The following ACACB variants were observed in gnomAD, a reference collection of about 807,000 sequenced individuals.
ACACB encodes acetyl-CoA carboxylase beta, also known as acetyl-CoA carboxylase 2.
ACACB carries 209 observed loss-of-function variants against 278.8 expected under a neutral mutation model. The ratio of observed to expected loss-of-function variants is 0.75; its 90% confidence interval spans 0.67 to 0.84. ACACB has a LOEUF of 0.84. Among genes scored for constraint, ACACB ranks in the 40% least tolerant of loss-of-function variants. ACACB has a pLI of 0.00. For synonymous variants in ACACB, 1,174 were observed against 1,285.6 expected, an observed-to-expected ratio of 0.91 and a Z score of 1.86; for missense variants, 2,850 against 3,269.0, an observed-to-expected ratio of 0.87 and a Z score of 3.13.
intron 45 of ACACB, 51 bp from the exon 46 acceptor site, chr12:109,258,217 A>G (rs1180982358): frequency 5.5e-6 from 8 of 1,455,652 alleles, no homozygotes; most frequent in African/African-American, 1.4e-5. Flanking sequence ...AGGTCCCCAA[A>G]TGCACCTGGG....
In ACACB at chr12:109,232,807, G is replaced by A. The variant is rs1433654771; in HGVS notation, c.4139+1G>A. ...TCAGGAGATTCGAGGACTTCACCAGGTACCCAGCATGGCCCGGTCTCCAAC... is the reference window on the plus strand; with the variant it reads ...TCAGGAGATTCGAGGACTTCACCAGATACCCAGCATGGCCCGGTCTCCAAC... On this transcript the variant is annotated splice_donor_variant, in intron 29 of 52. Transcript: ENST00000338432. LOFTEE classifies it high-confidence loss of function. 3 of 1,614,080 alleles carry A rather than the reference G, an allele frequency of 1.9e-6. No homozygotes were observed. The Admixed American group carries it at 5.0e-5, about 27-fold the overall frequency.
intron 1 of ACACB, among the ~76,000 whole-genome samples, chr12:109,138,436 G>C (rs573185429): frequency 5.9e-5 from 9 of 152,160 alleles, no homozygotes; most frequent in Non-Finnish European, 1.2e-4. Context: ...CCCACACTGG[G>C]GATGATGGCG....
intron 19 of ACACB, among the ~76,000 whole-genome samples, chr12:109,205,820 G>GT (rs2045487494): frequency 6.6e-6 from 1 of 152,004 alleles, no homozygotes; most frequent in Non-Finnish European, 1.5e-5. Context: ...GGGTGGAGGG[G>GT]TAGAGGGTGG....
chr12:109,253,062 T>G lies in ACACB; in HGVS notation c.5949T>G (p.Val1983=), dbSNP rs1463686772. ...CATCCAACAACCAGCTGGGTGGCGT[T>G]CAGATCATGCATTACAATGGTGTCT... ...VYTSNNQLGG[V]QIMHYNGVSH... is the part of the protein sequence containing the mutation. Residue 1983 remains valine, a synonymous_variant, in exon 43 of 53, where the codon GTT becomes GTG. Transcript: ENST00000338432. 1.2e-6 allele frequency: 2 copies of G among 1,613,208 alleles called. No individual in the cohort carries two copies. Among genetic ancestry groups the G allele is most frequent in the African/African-American group, 2.7e-5 (2 of 74,896 alleles).
At position 109,212,557 on chromosome 12, in the gene ACACB, C is replaced by T. The variant is rs117272253; in HGVS notation, c.3250-279C>T. ...ATGCAACCTAGGTCCCTCGCATGCA[C>T]GGTTCACAGCAGGGTTTGCGCTCCT... On this transcript the variant is annotated intron_variant, in intron 21 of 52. Coordinates refer to ENST00000338432, the MANE Select transcript of ACACB (RefSeq NM_001093.4). Among the ~76,000 whole-genome samples the T allele has an allele frequency of 4.5e-3, 690 of 152,176 alleles. 3 individuals are homozygous for T. Among genetic ancestry groups the T allele is most frequent in the Non-Finnish European group, 7.5e-3 (507 of 68,010 alleles).
chr12:109,212,028 C>A (rs1162881923), intron 21 of ACACB, among the ~76,000 whole-genome samples: 1 of 152,200 alleles, frequency 6.6e-6, no homozygotes, highest in Non-Finnish European at 1.5e-5. Flanking sequence ...ATTCCCATCT[C>A]CTTGTTCCCC....
chr12:109,241,019 T>C lies in ACACB; in HGVS notation c.4819-59T>C, dbSNP rs575764874. On this transcript the variant is annotated intron_variant, in intron 35 of 52. Transcript: ENST00000338432. ...CATCCTCTTATTAGTATCAGTGCTA[T>C]TGCAAATGTCCTTGGGATGTCTTGG... 15 of 1,558,346 alleles carry C rather than the reference T, an allele frequency of 9.6e-6. No homozygotes were observed. The Admixed American group carries it at 2.3e-4, about 24-fold the overall frequency.
At chr12:109,173,172 G>A (rs930796852) in intron 6 of ACACB, among the ~76,000 whole-genome samples, 5 of 152,198 alleles carry the variant, frequency 3.3e-5, no homozygotes, top group Non-Finnish European at 5.9e-5. Flanking sequence ...GGTGAAAGGC[G>A]AGAGGAGGGA....
chr12:109,162,382 C>T (rs2136132562), intron 2 of ACACB, among the ~76,000 whole-genome samples: 1 of 152,240 alleles, frequency 6.6e-6, no homozygotes, highest in South Asian at 2.1e-4. Flanking sequence ...CCCTGGCCAT[C>T]TGTACCACAG....
intron 49 of ACACB, 152 bp from the exon 50 acceptor site, chr12:109,264,080 G>T: frequency 1.1e-6 from 1 of 907,572 alleles, no homozygotes. Flanking sequence ...TAGCAGCAGG[G>T]GTAATATCAG....
At chr12:109,181,374 C>A (rs1053397851) in intron 11 of ACACB, among the ~76,000 whole-genome samples, 8 of 151,864 alleles carry the variant, frequency 5.3e-5, no homozygotes, top group Non-Finnish European at 1.2e-4. Context: ...ATTACAGGTG[C>A]ACACTACTAT....
chr12:109,140,245 T>C (rs2043074388), intron 2 of ACACB, among the ~76,000 whole-genome samples, 187 bp downstream of exon 2: 1 of 132,542 alleles, frequency 7.5e-6, no homozygotes, highest in Non-Finnish European at 1.7e-5. Context: ...CTTCCTTCCT[T>C]CCTTCCTTCC....
rs1457072037 is a variant in ACACB at position 109,180,107 on chromosome 12, G to T, written c.1818+20G>T. 3.1e-6 allele frequency: 5 copies of T among 1,605,588 alleles called. No homozygotes were observed. Among genetic ancestry groups the T allele is most frequent in the Non-Finnish European group, 4.3e-6 (5 of 1,174,674 alleles). On this transcript the variant is annotated intron_variant, in intron 11 of 52. Coordinates refer to ENST00000338432, the MANE Select transcript of ACACB (RefSeq NM_001093.4). ...CTACAGGTGAGAAAATGGGCTTGGG[G>T]CCCTGGGACTTCTCTGCCCTGGGTC... is the stretch of plus-strand genomic sequence containing the variant.
In ACACB at chr12:109,266,930, A is replaced by G. The variant is rs2047533736; in HGVS notation, c.*568A>G. Reference sequence around the variant, plus strand: ...ATTTTTTTTTTTTTTTTTGAGACAAAGTCTCACTGTGTCATGCAGGCTGGA... The same window carrying G: ...ATTTTTTTTTTTTTTTTTGAGACAAGGTCTCACTGTGTCATGCAGGCTGGA... On this transcript the variant is annotated 3_prime_UTR_variant, in exon 53 of 53. Transcript: ENST00000338432. The G allele has an allele frequency of 1.4e-5, 2 of 145,320 alleles. No homozygotes were observed. The highest frequency in any genetic ancestry group is 4.0e-4 in the East Asian group (2 of 5,034). 9.0% of individuals were successfully genotyped at this position (145,320 alleles called of 1,614,324 possible).
intron 28 of ACACB, among the ~76,000 whole-genome samples, chr12:109,228,184 CA>C (rs1193022891): frequency 1.7e-4 from 26 of 150,584 alleles, no homozygotes; most frequent in African/African-American, 6.3e-4. Flanking sequence ...AAAAAAAATA[CA>C]AAAATTAGCC....
chr12:109,232,785 G>A lies in ACACB; in HGVS notation c.4118G>A (p.Arg1373Lys). Residue 1373 changes from arginine (R) to lysine (K), a missense_variant, in exon 29 of 53, where the codon AGG becomes AAG. Arg to Lys is a conservative substitution (Grantham distance 26). Around this residue, in one of 3 missense-constraint regions of ACACB, gnomAD observed 2,265 missense variants for 2,561.3 expected, o/e 0.88. Transcript: ENST00000338432. Reference protein sequence around the residue: ...CQRMGAMVAFRRFEDFTRNFD... With the variant: ...CQRMGAMVAFKRFEDFTRNFD... ...CGCATGGGAGCCATGGTAGCCTTCA[G>A]GAGATTCGAGGACTTCACCAGGTAC... The A allele has an allele frequency of 6.2e-7, 1 of 1,614,132 alleles. No homozygotes were observed. The highest frequency in any genetic ancestry group is 8.5e-7 in the Non-Finnish European group (1 of 1,180,028).
intron 48 of ACACB, among the ~76,000 whole-genome samples, chr12:109,261,563 G>A (rs1256271110): frequency 6.6e-6 from 1 of 152,072 alleles, no homozygotes; most frequent in Admixed American, 6.5e-5. Context: ...GGGAGAATAA[G>A]GGGTAAATAA....
rs779523944 is a variant in ACACB, at chr12:109,171,890, C to T, written c.1011C>T (p.Asp337=). 4 of 1,614,116 alleles carry T rather than the reference C, an allele frequency of 2.5e-6. No individual in the cohort carries two copies. Among genetic ancestry groups the T allele is most frequent in the Admixed American group, 3.3e-5 (2 of 60,014 alleles). The stretch of plus-strand genomic sequence containing the variant: ...ATGCCAACGTGGAGCTGATTGTGGA[C>T]ATTGCCAAGAGAATCCCCGTGCAGG... ...NNYANVELIV[D]IAKRIPVQAV... is the part of the protein sequence containing the mutation. The change falls in exon 5 of 53, where the codon GAC becomes GAT. Residue 337 remains aspartate (D), a synonymous_variant. Transcript: ENST00000338432.
chr12:109,140,136 C>A (rs2043066640), intron 2 of ACACB, 78 bp downstream of exon 2: 2 of 1,435,248 alleles, frequency 1.4e-6, no homozygotes, highest in South Asian at 3.0e-5. Flanking sequence ...CTGTGCCCAC[C>A]TTGATCAAGC....
Sources: allele counts gnomAD v4.1 joint callset (sites outside exome capture counted in the v4.1 genomes callset), GRCh38; gene constraint gnomAD v4.1.1; regional missense constraint gnomAD v4.1.1; transcripts MANE v1.5; gene names NCBI Gene and HGNC (gene_info 2026-07-23, HGNC 2026-07-21).